OR3A2: variants seen among roughly 807,000 people sequenced by gnomAD.
OR3A2 encodes the protein olfactory receptor family 3 subfamily A member 2.
For synonymous variants in OR3A2, 126 were observed against 159.3 expected, an observed-to-expected ratio of 0.79 and a Z score of 1.57; for missense variants, 318 against 392.8, an observed-to-expected ratio of 0.81 and a Z score of 1.61.
chr17:3,354,937 T>C (rs906238979), intron 2 of OR3A2, among the ~76,000 whole-genome samples: 5 of 151,304 alleles, frequency 3.3e-5, no homozygotes, highest in Admixed American at 2.0e-4. Context: ...CTCTATCCCA[T>C]AGGTTTTGGT....
At chr17:3,281,356 C>T (rs1018645187) in intron 1 of OR3A2, among the ~76,000 whole-genome samples, 6 of 151,910 alleles carry the variant, frequency 3.9e-5, no homozygotes, top group Admixed American at 1.3e-4. Flanking sequence ...GCCTCAGCCT[C>T]CTCAGTAGCT....
intron 2 of OR3A2, among the ~76,000 whole-genome samples, chr17:3,358,251 T>C (rs1411648475): frequency 6.6e-6 from 1 of 151,724 alleles, no homozygotes; most frequent in East Asian, 1.9e-4. Context: ...AAATAAATCA[T>C]GGTTTTCTTG....
At chr17:3,340,982 G>C (rs1283927086) in intron 2 of OR3A2, among the ~76,000 whole-genome samples, 1 of 152,102 alleles carries the variant, frequency 6.6e-6, no homozygotes, top group Non-Finnish European at 1.5e-5. Flanking sequence ...AGGATAGTTA[G>C]CTCTTCTTGT....
chr17:3,335,928 G>A (rs1230455367), intron 3 of OR3A2, 101 bp downstream of exon 2: 1 of 152,186 alleles, frequency 6.6e-6, no homozygotes, highest in African/African-American at 2.4e-5. Flanking sequence ...CCAAACAACT[G>A]ACAAGGTGCC....
intron 3 of OR3A2, among the ~76,000 whole-genome samples, chr17:3,335,146 C>A (rs1286558374): frequency 2.0e-5 from 3 of 152,250 alleles, no homozygotes; most frequent in Non-Finnish European, 4.4e-5. Context: ...ATGTTCTTGG[C>A]TTATGTATTC....
chr17:3,310,982 G>C (rs576417051), intron 3 of OR3A2: 1 of 554,816 alleles, frequency 1.8e-6, no homozygotes, highest in Admixed American at 1.9e-5. Context: ...ATGCCCATGT[G>C]GCAGCTGCAG....
rs368408336 is a variant in OR3A2, at chr17:3,353,064, CTTTT to C, written c.-178-16942_-178-16939del. Among the ~76,000 whole-genome samples the C allele has an allele frequency of 2.7e-5, 4 of 148,604 alleles. 1 individual carries two copies. Among genetic ancestry groups the C allele is most frequent in the Middle Eastern group, 7.1e-3 (2 of 280 alleles). Reference sequence around the variant, plus strand: ...TCACTGTTAGCATATAGATATGCTACTTTTTTTATGTTGATGCTGTATCCTGCAA... The same window carrying C: ...TCACTGTTAGCATATAGATATGCTACTTTATGTTGATGCTGTATCCTGCAA... On this transcript the variant is annotated intron_variant, in intron 2 of 4. Coordinates refer to the OR3A2 transcript ENST00000573491.
intron 2 of OR3A2, among the ~76,000 whole-genome samples, chr17:3,383,380 G>A (rs749274221): frequency 6.6e-6 from 1 of 152,194 alleles, no homozygotes; most frequent in Non-Finnish European, 1.5e-5. Flanking sequence ...ATTAGCATCC[G>A]TTCCCTGCTA....
chr17:3,331,786 G>C (rs2150642551), intron 3 of OR3A2, among the ~76,000 whole-genome samples: 1 of 152,088 alleles, frequency 6.6e-6, no homozygotes, highest in East Asian at 1.9e-4. Context: ...AGGAGGAGAG[G>C]CGCTCTGCAT....
intron 3 of OR3A2, among the ~76,000 whole-genome samples, chr17:3,306,697 C>CACT (rs1567549179): frequency 7.0e-6 from 1 of 142,774 alleles, no homozygotes; most frequent in Non-Finnish European, 1.5e-5. Flanking sequence ...AAAAAAAAAC[C>CACT]GTAACCCCTT....
intron 2 of OR3A2, among the ~76,000 whole-genome samples, chr17:3,348,935 T>C (rs1404998084): frequency 5.9e-5 from 9 of 151,918 alleles, no homozygotes; most frequent in Non-Finnish European, 1.3e-4. Context: ...CAAACTAAGC[T>C]TCATAAGTGA....
intron 2 of OR3A2, among the ~76,000 whole-genome samples, chr17:3,338,121 A>T (rs1223705150): frequency 1.3e-5 from 2 of 150,918 alleles, no homozygotes; most frequent in Admixed American, 6.6e-5. Context: ...TGATGGGGTT[A>T]ATTTTTTTCT....
chr17:3,297,376 G>T (rs1351511569), intron 3 of OR3A2, among the ~76,000 whole-genome samples: 2 of 152,124 alleles, frequency 1.3e-5, no homozygotes, highest in African/African-American at 2.4e-5. Flanking sequence ...AACTCAGGTT[G>T]TAAGGTTTTA....
intron 3 of OR3A2, among the ~76,000 whole-genome samples, chr17:3,321,428 T>C (rs1278413947): frequency 1.3e-5 from 2 of 151,746 alleles, no homozygotes; most frequent in African/African-American, 4.8e-5. Context: ...TGAATAGGAG[T>C]GGTGAGAGAG....
chr17:3,361,560 G>A (rs1483267808), intron 2 of OR3A2, among the ~76,000 whole-genome samples: 2 of 151,610 alleles, frequency 1.3e-5, no homozygotes, highest in African/African-American at 4.9e-5. Context: ...GTTTGTCATA[G>A]ATAGCTCTTA....
intron 3 of OR3A2, chr17:3,310,517 G>C (rs1424460997): frequency 1.9e-6 from 1 of 535,652 alleles, no homozygotes; most frequent in Non-Finnish European, 3.8e-6. Context: ...TGGGGAACTT[G>C]TCCCTGCCAG....
intron 3 of OR3A2, among the ~76,000 whole-genome samples, chr17:3,323,148 G>A (rs534706787): frequency 6.6e-6 from 1 of 152,176 alleles, no homozygotes; most frequent in South Asian, 2.1e-4. Context: ...TTTGATCTTT[G>A]TTGGTTTAAA....
At chr17:3,383,107 G>T (rs2049752187) in intron 2 of OR3A2, among the ~76,000 whole-genome samples, 1 of 152,202 alleles carries the variant, frequency 6.6e-6, no homozygotes, top group South Asian at 2.1e-4. Context: ...GGTACTAGGG[G>T]TGTTTGGGTT....
At chr17:3,375,230 CTTTT>C (rs557025875) in intron 2 of OR3A2, among the ~76,000 whole-genome samples, 1 of 9,354 alleles carries the variant, frequency 1.1e-4, no homozygotes, top group East Asian at 1.8e-3. Context: ...TTTTTTTTTT[CTTTT>C]TTTTTTTTTT....
Sources: gnomAD v4.1 joint callset for allele counts (sites outside exome capture counted in the v4.1 genomes callset) on GRCh38, gnomAD v4.1.1 for gene constraint, MANE v1.5 for transcripts, NCBI Gene and HGNC (gene_info 2026-07-23, HGNC 2026-07-21) for gene names.